Variants in ANO1 observed in about 807,000 individuals in gnomAD.
ANO1 encodes the protein anoctamin-1.
In ANO1, 59 loss-of-function variants were observed where a neutral mutation model predicts 124.0. The observed-to-expected ratio is 0.48, with a 90% confidence interval of 0.39 to 0.59. The LOEUF is 0.59. Ranked by LOEUF, ANO1 falls within the 20% of genes least tolerant of loss-of-function variation. ANO1 has a pLI of 0.00. For missense variants in ANO1, 1,059 were observed against 1,328.0 expected (o/e 0.80, Z 3.15); for synonymous variants, 529 against 532.0 (o/e 0.99, Z 0.08).
intron 1 of ANO1, among the ~76,000 whole-genome samples, chr11:70,025,720 T>TGAC (rs1856885855): frequency 7.4e-6 from 1 of 134,676 alleles, no homozygotes; most frequent in Non-Finnish European, 1.6e-5. Flanking sequence ...GTGATGATGA[T>TGAC]GGTGGTGGTG....
At chr11:70,160,260 G>T (rs769228187) in intron 16 of ANO1, among the ~76,000 whole-genome samples, 1 of 152,132 alleles carries the variant, frequency 6.6e-6, no homozygotes, top group Non-Finnish European at 1.5e-5. Context: ...ACGCCTGGGT[G>T]AGGAGCCTGG....
intron 2 of ANO1, among the ~76,000 whole-genome samples, chr11:70,098,352 ACTGCTGTGCACAGCACACACCCATGGTTC>A (rs2045103468): frequency 6.6e-6 from 1 of 152,126 alleles, no homozygotes; most frequent in Non-Finnish European, 1.5e-5. Flanking sequence ...AGTGGCCTGG[ACTGCTGTGCACAGCACACACCCATGGTTC>A]CTGCCCGATA....
chr11:70,011,260 T>C (rs1856594497), intron 1 of ANO1, among the ~76,000 whole-genome samples: 1 of 152,106 alleles, frequency 6.6e-6, no homozygotes, highest in Non-Finnish European at 1.5e-5. Flanking sequence ...GGAGTTTGGC[T>C]GGAGTGAGCA....
intron 11 of ANO1, among the ~76,000 whole-genome samples, chr11:70,138,506 CAA>C (rs564343150): frequency 6.4e-5 from 8 of 125,928 alleles, no homozygotes; most frequent in Non-Finnish European, 6.8e-5. Flanking sequence ...AAGTCCGTCT[CAA>C]AAAAAAAAAA....
upstream of ANO1, among the ~76,000 whole-genome samples, chr11:69,984,105 A>G (rs1341779589): frequency 6.6e-6 from 1 of 152,186 alleles, no homozygotes; most frequent in Non-Finnish European, 1.5e-5. Flanking sequence ...TATTTACATA[A>G]CTGAGCAATT....
chr11:70,176,426 C>A (rs1236806387), intron 22 of ANO1, among the ~76,000 whole-genome samples: 1 of 152,120 alleles, frequency 6.6e-6, no homozygotes, highest in African/African-American at 2.4e-5. Context: ...GGATTACAGG[C>A]ATGAGCCACC....
chr11:70,094,145 ACCACTCCCAG>A (rs2044748076), intron 2 of ANO1, among the ~76,000 whole-genome samples: 1 of 152,152 alleles, frequency 6.6e-6, no homozygotes. Context: ...CCCACTCCTC[ACCACTCCCAG>A]GGCCTGACCC....
intron 1 of ANO1, among the ~76,000 whole-genome samples, chr11:69,997,850 C>T (rs1189982435): frequency 2.0e-5 from 3 of 152,304 alleles, no homozygotes; most frequent in Admixed American, 6.5e-5. Flanking sequence ...CTTTGCCTTC[C>T]GCCGTGAGTA....
chr11:70,037,867 G>A (rs1040905371), intron 1 of ANO1, among the ~76,000 whole-genome samples: 3 of 152,178 alleles, frequency 2.0e-5, no homozygotes, highest in African/African-American at 4.8e-5. Context: ...AACTGAGGCA[G>A]GTAAGAAACT....
Position 70,185,787 on chromosome 11 carries a change from G to A in ANO1, c.2694+92G>A. On this transcript the variant is annotated intron_variant, in intron 25 of 25. Transcript: ENST00000355303. ...AGTCTGGAAGTCAGGAGCTGCTAAA[G>A]CCAGGGGTTCAGAGACTCCTCCAGA... 2.1e-6 allele frequency: 3 copies of A among 1,406,214 alleles called. No individual in the cohort carries two copies. In the South Asian group the frequency reaches 3.7e-5, roughly 17 times the overall value. The allele number at this position is 1,406,214 out of a possible 1,614,324, so 87.1% of individuals were successfully genotyped here.
intron 2 of ANO1, among the ~76,000 whole-genome samples, chr11:70,090,200 G>A (rs1181985467): frequency 2.6e-5 from 4 of 152,078 alleles, no homozygotes; most frequent in Non-Finnish European, 5.9e-5. Flanking sequence ...GTAGAGACAG[G>A]GTTTCACTGT....
At chr11:70,015,387 A>G (rs1452213370) in intron 1 of ANO1, among the ~76,000 whole-genome samples, 15 of 152,072 alleles carry the variant, frequency 9.9e-5, no homozygotes, top group Admixed American at 9.8e-4. Context: ...TCAGGGGGAT[A>G]TGATCCAGAA....
chr11:70,102,026 C>T lies in ANO1; in HGVS notation c.442-1040C>T, dbSNP rs569992335. On this transcript the variant is annotated intron_variant, in intron 2 of 25. Transcript: ENST00000355303. ...GTGACAGGAAGGCCGACTGATGTGA[C>T]ATGTGTCTTTGATGGGGAAATACGT... Among the ~76,000 whole-genome samples, 15 of 152,334 alleles carry T rather than the reference C, an allele frequency of 9.8e-5. No homozygotes were observed. In the Middle Eastern group the frequency reaches 0.014, roughly 138 times the overall value.
At chr11:70,131,242 G>C (rs1422794506) in intron 10 of ANO1, among the ~76,000 whole-genome samples, 1 of 152,148 alleles carries the variant, frequency 6.6e-6, no homozygotes, top group Non-Finnish European at 1.5e-5. Flanking sequence ...CTCCAAGGCC[G>C]GCAACAGAGG....
intron 11 of ANO1, among the ~76,000 whole-genome samples, chr11:70,133,102 A>C (rs530736794): frequency 6.6e-6 from 1 of 152,332 alleles, no homozygotes; most frequent in South Asian, 2.1e-4. Context: ...CCGGGGCCAG[A>C]ATAGCGCCAC....
intron 1 of ANO1, among the ~76,000 whole-genome samples, chr11:70,040,721 C>A (rs377350713): frequency 1.3e-4 from 20 of 152,266 alleles, no homozygotes; most frequent in African/African-American, 3.4e-4. Flanking sequence ...CAGTTCAGAG[C>A]CCGGTCGAAG....
At chr11:70,009,704 G>C (rs1453624735) in intron 1 of ANO1, among the ~76,000 whole-genome samples, 1 of 152,186 alleles carries the variant, frequency 6.6e-6, no homozygotes, top group Admixed American at 6.5e-5. Context: ...CATGGTGGAA[G>C]GCAAAGGGGA....
intron 1 of ANO1, among the ~76,000 whole-genome samples, chr11:70,000,066 C>T (rs1005668011): frequency 3.9e-5 from 6 of 152,314 alleles, no homozygotes; most frequent in East Asian, 3.9e-4. Context: ...TTACAGAGGA[C>T]TCCCAGGGGA....
chr11:70,085,654 A>G (rs2044344682), intron 1 of ANO1: 1 of 1,504,130 alleles, frequency 6.6e-7, no homozygotes, highest in Non-Finnish European at 8.8e-7. Flanking sequence ...GACCCTTGAC[A>G]TCAACACCTA....
Sources: allele counts gnomAD v4.1 joint callset (sites outside exome capture counted in the v4.1 genomes callset), GRCh38; gene constraint gnomAD v4.1.1; transcripts MANE v1.5; gene names NCBI Gene and HGNC (gene_info 2026-07-23, HGNC 2026-07-21).